The following CCBE1 variants were observed in gnomAD, a reference collection of about 807,000 sequenced individuals.
CCBE1 encodes collagen and calcium-binding EGF domain-containing protein 1.
Under a neutral mutation model 50.0 loss-of-function variants are expected in CCBE1, and 37 were observed. The ratio of observed to expected loss-of-function variants is 0.74; its 90% CI spans 0.57 to 0.97. The LOEUF (loss-of-function observed/expected upper bound fraction) is 0.97. Ranked by LOEUF, CCBE1 falls within the 50% of genes least tolerant of loss-of-function variation. The probability of loss-of-function intolerance (pLI) is 0.00; values close to 1 mark genes in which losing one functional copy is unlikely to be tolerated. For synonymous variants in CCBE1, 234 were observed against 203.7 expected (o/e 1.15, Z -1.27); for missense variants, 538 against 523.8 (o/e 1.03, Z -0.26).
chr18:59,570,595 G>A (rs1182515673), intron 2 of CCBE1, among the ~76,000 whole-genome samples: 2 of 152,186 alleles, frequency 1.3e-5, no homozygotes, highest in Non-Finnish European at 2.9e-5. Context: ...ATCACAGTGA[G>A]GGGAAGGAGA....
intron 2 of CCBE1, among the ~76,000 whole-genome samples, chr18:59,513,285 G>A (rs1025502716): frequency 6.6e-6 from 1 of 151,272 alleles, no homozygotes; most frequent in African/African-American, 2.4e-5. Flanking sequence ...TCTAACCTGG[G>A]TGACAGAGAG....
At chr18:59,632,485 G>T (rs976248353) in intron 2 of CCBE1, among the ~76,000 whole-genome samples, 1 of 152,204 alleles carries the variant, frequency 6.6e-6, no homozygotes, top group African/African-American at 2.4e-5. Flanking sequence ...TGTTGGCCAG[G>T]CTGGTCTTGA....
intron 2 of CCBE1, among the ~76,000 whole-genome samples, chr18:59,494,522 ATT>A (rs5825341): frequency 1.2e-3 from 184 of 149,180 alleles, no homozygotes; most frequent in South Asian, 3.0e-3. Context: ...ATGAGGACAG[ATT>A]TTTTTTTTTT....
intron 5 of CCBE1, among the ~76,000 whole-genome samples, chr18:59,460,746 A>G (rs1911421601): frequency 6.6e-6 from 1 of 152,132 alleles, no homozygotes; most frequent in Admixed American, 6.5e-5. Context: ...AGCCTGGCCA[A>G]GATGGTGAAA....
At chr18:59,607,484 G>C (rs1045518176) in intron 2 of CCBE1, among the ~76,000 whole-genome samples, 1 of 152,076 alleles carries the variant, frequency 6.6e-6, no homozygotes, top group Admixed American at 6.5e-5. Flanking sequence ...CCTTAGTTGG[G>C]GACTGACTGT....
chr18:59,455,930 G>A (rs2143678996), intron 5 of CCBE1, among the ~76,000 whole-genome samples: 1 of 152,350 alleles, frequency 6.6e-6, no homozygotes, highest in African/African-American at 2.4e-5. Context: ...CGACTATCTA[G>A]AACGCAGACT....
chr18:59,508,635 C>G (rs1232313274), intron 2 of CCBE1, among the ~76,000 whole-genome samples: 1 of 151,326 alleles, frequency 6.6e-6, no homozygotes, highest in Non-Finnish European at 1.5e-5. Flanking sequence ...AAGAAACTAC[C>G]CCATAATGTT....
At chr18:59,582,847 C>G (rs768898042) in intron 2 of CCBE1, among the ~76,000 whole-genome samples, 1 of 152,184 alleles carries the variant, frequency 6.6e-6, no homozygotes, top group African/African-American at 2.4e-5. Context: ...GGCAGGTTGT[C>G]TGTCACCCAG....
chr18:59,509,167 C>A (rs1399405167), intron 2 of CCBE1, among the ~76,000 whole-genome samples: 1 of 152,176 alleles, frequency 6.6e-6, no homozygotes, highest in Admixed American at 6.5e-5. Flanking sequence ...CCTCGACAGA[C>A]AGACTGAGAA....
At chr18:59,523,400 G>A (rs1003419339) in intron 2 of CCBE1, among the ~76,000 whole-genome samples, 2 of 150,650 alleles carry the variant, frequency 1.3e-5, no homozygotes, top group Non-Finnish European at 2.9e-5. Context: ...TTCTTACTGG[G>A]TAGGTAGTCT....
intron 2 of CCBE1, among the ~76,000 whole-genome samples, chr18:59,662,870 T>TGA (rs766887327): frequency 6.6e-6 from 1 of 152,324 alleles, no homozygotes; most frequent in East Asian, 1.9e-4. Flanking sequence ...CCCAGCTACT[T>TGA]GAGAGGCAGG....
chr18:59,485,459 G>C (rs1912770211), intron 2 of CCBE1, among the ~76,000 whole-genome samples: 1 of 151,982 alleles, frequency 6.6e-6, no homozygotes, highest in South Asian at 2.1e-4. Context: ...GACTAAAAGT[G>C]ACCATGAAAG....
Position 59,510,642 on chromosome 18 carries a change from G to T in CCBE1, c.213-30404C>A, listed in dbSNP as rs142120784. On this transcript the variant is annotated intron_variant, in intron 2 of 10. Transcript: ENST00000439986. ...TCACCATGTTGGCCAGGCTGGTCCT[G>T]AACTCCTGACCTCAGGTGATCCACC... Among the ~76,000 whole-genome samples the T allele has an allele frequency of 5.2e-3, 798 of 152,206 alleles. 6 individuals are homozygous for T. The highest frequency in any genetic ancestry group is 0.018 in the African/African-American group (737 of 41,526).
At chr18:59,588,782 T>C (rs2053215379) in intron 2 of CCBE1, among the ~76,000 whole-genome samples, 1 of 152,136 alleles carries the variant, frequency 6.6e-6, no homozygotes, top group Non-Finnish European at 1.5e-5. Context: ...TGACCAGCAA[T>C]GCCCAGCATT....
At chr18:59,476,713 G>A (rs78400425) in intron 3 of CCBE1, among the ~76,000 whole-genome samples, 4,639 of 152,290 alleles carry the variant, frequency 0.03, 432 homozygotes, top group East Asian at 0.24. Context: ...ATTAGTTAAC[G>A]TATTTCTTTA....
chr18:59,448,379 A>G (rs1910781141), intron 6 of CCBE1, among the ~76,000 whole-genome samples: 1 of 152,124 alleles, frequency 6.6e-6, no homozygotes, highest in South Asian at 2.1e-4. Context: ...TTATTACCAT[A>G]ATTAATGGGA....
chr18:59,666,030 C>T (rs536286119), intron 2 of CCBE1: 1 of 152,432 alleles, frequency 6.6e-6, no homozygotes, highest in African/African-American at 2.4e-5. Flanking sequence ...TAAAGACATA[C>T]CCGAGACTCG....
chr18:59,516,869 C>T (rs972552217), intron 2 of CCBE1, among the ~76,000 whole-genome samples: 8 of 152,186 alleles, frequency 5.3e-5, no homozygotes, highest in Non-Finnish European at 8.8e-5. Context: ...TAGATAGAGC[C>T]TTTGTCCAAA....
chr18:59,588,711 G>A (rs946179264), intron 2 of CCBE1, among the ~76,000 whole-genome samples: 4 of 152,122 alleles, frequency 2.6e-5, no homozygotes, highest in Admixed American at 6.5e-5. Context: ...AGCTCTTCTG[G>A]CATCTGGTTC....
Sources: gnomAD v4.1 joint callset for allele counts (sites outside exome capture counted in the v4.1 genomes callset) on GRCh38, gnomAD v4.1.1 for gene constraint, MANE v1.5 for transcripts, NCBI Gene and HGNC (gene_info 2026-07-23, HGNC 2026-07-21) for gene names.